Variants in RTEL1 observed in about 807,000 individuals in gnomAD.
The protein encoded by RTEL1 is regulator of telomere length.
A neutral mutation model predicts 162.2 loss-of-function variants in RTEL1; 86 were observed. The observed-to-expected ratio is 0.53, with a 90% confidence interval of 0.45 to 0.63. RTEL1 has a LOEUF of 0.63. Among genes scored for constraint, RTEL1 ranks in the 30% least tolerant of loss-of-function variants. RTEL1 has a pLI of 0.00. For synonymous variants in RTEL1, 958 were observed against 717.9 expected (o/e 1.33, Z -5.35); for missense variants, 1,941 against 1,750.2 (o/e 1.11, Z -1.95).
chr20:63,664,530 G>A (rs1463336759), intron 6 of RTEL1, among the ~76,000 whole-genome samples: 1 of 152,142 alleles, frequency 6.6e-6, no homozygotes, highest in Non-Finnish European at 1.5e-5. Flanking sequence ...TGGGTATTGG[G>A]GCCCCCATCT....
intron 31 of RTEL1, 55 bp from the exon 32 acceptor site, chr20:63,694,686 G>A: frequency 6.9e-7 from 1 of 1,448,754 alleles, no homozygotes. Context: ...CAGGGCGGTG[G>A]GACTCTCAGT....
chr20:63,659,212 G>T, intron 1 of RTEL1, 21 bp from the exon 2 acceptor site: 1 of 604,900 alleles, frequency 1.7e-6, no homozygotes, highest in Non-Finnish European at 3.0e-6. Flanking sequence ...TCTACAAACA[G>T]AGTCTTACTG....
chr20:63,694,385 G>A lies in RTEL1; in HGVS notation c.3006G>A (p.Pro1002=), dbSNP rs201351158. 9.5e-5 allele frequency: 149 copies of A among 1,575,202 alleles called. No individual in the cohort carries two copies. Among genetic ancestry groups the A allele is most frequent in the South Asian group, 1.9e-4 (17 of 90,532 alleles). ...PVLDPTGRTA[P]DPKLTVSTAA... is the part of the protein sequence containing the mutation. ...TCTCTTCATCAGGAAGAACGGCGCCGGATCCCAAGCTGACCGTGTCCACGG... is the reference window on the plus strand; with the variant it reads ...TCTCTTCATCAGGAAGAACGGCGCCAGATCCCAAGCTGACCGTGTCCACGG... The change falls in exon 31 of 35, where the codon CCG becomes CCA. Residue 1002 remains proline (P), a synonymous_variant. Coordinates refer to ENST00000360203, the MANE Select transcript of RTEL1 (RefSeq NM_001283009.2).
chr20:63,691,872 C>T (rs1231935111), intron 28 of RTEL1, 35 bp downstream of exon 28: 1 of 1,561,476 alleles, frequency 6.4e-7, no homozygotes, highest in Non-Finnish European at 8.8e-7. Flanking sequence ...TGCCGACCAC[C>T]ATAGACACGC....
intron 24 of RTEL1, 108 bp from the exon 25 acceptor site, chr20:63,689,979 A>C: frequency 6.4e-7 from 1 of 1,553,994 alleles, no homozygotes; most frequent in Non-Finnish European, 8.7e-7. Context: ...CTCTCCGGCT[A>C]CTCGGGGTCA....
Position 63,692,567 on chromosome 20 carries a change from T to G in RTEL1, c.2653-238T>G, listed in dbSNP as rs1050354266. 4 of 579,106 alleles carry G rather than the reference T, an allele frequency of 6.9e-6. No individual in the cohort carries two copies. In the African/African-American group the frequency reaches 7.5e-5, roughly 11 times the overall value. 35.9% of individuals were successfully genotyped at this position (579,106 alleles called of 1,614,324 possible). Reference sequence around the variant, plus strand: ...CAGAGCCAATCTACCCTTTGCCCATTCACTGCTCTCAGTTCCCTGCCAGCC... The same window carrying G: ...CAGAGCCAATCTACCCTTTGCCCATGCACTGCTCTCAGTTCCCTGCCAGCC... On this transcript the variant is annotated intron_variant, in intron 28 of 34. Coordinates refer to ENST00000360203, the MANE Select transcript of RTEL1 (RefSeq NM_001283009.2).
rs939961329 is a variant in RTEL1 at position 63,659,165 on chromosome 20, A to G, written c.-170-68A>G. 21 of 533,540 alleles carry G rather than the reference A, an allele frequency of 3.9e-5. No homozygotes were observed. In the African/African-American group the frequency reaches 4.0e-4, roughly 10 times the overall value. 33.1% of individuals were successfully genotyped at this position (533,540 alleles called of 1,614,324 possible). ...CCTCTCCGCAGGAGGGACTGATGGA[A>G]ACGCCTGGGAAAGTAGCCCGGTACC... On this transcript the variant is annotated intron_variant, in intron 1 of 34. Transcript: ENST00000360203.
intron 13 of RTEL1, among the ~76,000 whole-genome samples, 166 bp from the exon 14 acceptor site, chr20:63,680,498 C>A (rs1312890646): frequency 6.6e-6 from 1 of 152,222 alleles, no homozygotes; most frequent in Admixed American, 6.5e-5. Flanking sequence ...GAAGAGCAGG[C>A]GAACTGCCCG....
intron 16 of RTEL1, chr20:63,687,305 G>A (rs563520041): frequency 9.9e-5 from 27 of 273,692 alleles, no homozygotes; most frequent in Non-Finnish European, 1.7e-4. Context: ...TGCTCTTGGC[G>A]GGGTGGGCTT....
intron 4 of RTEL1, chr20:63,662,278 G>C (rs1407196434): frequency 3.0e-6 from 2 of 664,880 alleles, no homozygotes; most frequent in African/African-American, 3.6e-5. Flanking sequence ...CCTGCTGCTT[G>C]TCAGAGCCCA....
At chr20:63,681,478 A>C in intron 14 of RTEL1, 1 of 985,034 alleles carries the variant, frequency 1.0e-6, no homozygotes, top group Non-Finnish European at 1.2e-6. Flanking sequence ...TGGCCACACG[A>C]GATCATGGCA....
chr20:63,664,860 A>T (rs947905097), intron 6 of RTEL1, among the ~76,000 whole-genome samples: 1 of 152,156 alleles, frequency 6.6e-6, no homozygotes, highest in Non-Finnish European at 1.5e-5. Flanking sequence ...GGGGACAGCA[A>T]GCTTGGGGTC....
At position 63,678,556 on chromosome 20, in the gene RTEL1, G is replaced by GC. The variant is rs1491176440; in HGVS notation, c.1037+216dup. Among the ~76,000 whole-genome samples the GC allele has an allele frequency of 4.2e-5, 5 of 117,722 alleles. No individual in the cohort carries two copies. The East Asian group carries it at 7.6e-4, about 18-fold the overall frequency. The allele number at this position is 117,722 out of a possible 152,430, so 77.2% of individuals were successfully genotyped here. On this transcript the variant is annotated intron_variant, in intron 12 of 34. Coordinates refer to ENST00000360203, the MANE Select transcript of RTEL1 (RefSeq NM_001283009.2). ...ACACACTCCCACGGGACAGCACACA[G>GC]CCCCCCACGGAACGGCACACACACC... is the stretch of plus-strand genomic sequence containing the variant.
chr20:63,682,367 A>T lies in RTEL1; in HGVS notation c.1191+1648A>T, dbSNP rs557679209. The T allele has an allele frequency of 3.1e-6, 3 of 982,776 alleles. No individual in the cohort carries two copies. The African/African-American group carries it at 5.4e-5, about 18-fold the overall frequency. The allele number at this position is 982,776 out of a possible 1,614,324, so 60.9% of individuals were successfully genotyped here. A position where few individuals can be genotyped will look rare whatever the true frequency, so the allele number is the denominator to read the frequency against. On this transcript the variant is annotated intron_variant, in intron 14 of 34. Transcript: ENST00000360203. Reference sequence around the variant, plus strand: ...TCCCAGGCCCCCAGCTATGGAGAAGACTCCACACTCTGGAACCGGATCCTG... The same window carrying T: ...TCCCAGGCCCCCAGCTATGGAGAAGTCTCCACACTCTGGAACCGGATCCTG...
At chr20:63,672,667 T>G in intron 9 of RTEL1, 46 bp downstream of exon 9, 2 of 1,490,250 alleles carry the variant, frequency 1.3e-6, no homozygotes, top group South Asian at 2.4e-5. Flanking sequence ...GCTTCTGGCC[T>G]TTTTGTCAAG....
At chr20:63,687,270 G>A (rs1601161268) in intron 16 of RTEL1, 3 of 222,752 alleles carry the variant, frequency 1.3e-5, no homozygotes, top group South Asian at 1.2e-4. Flanking sequence ...GTGGAATGTC[G>A]GGATGCCGGC....
intron 30 of RTEL1, among the ~76,000 whole-genome samples, chr20:63,694,071 T>C (rs2090899784): frequency 6.6e-6 from 1 of 152,052 alleles, no homozygotes; most frequent in Non-Finnish European, 1.5e-5. Context: ...CCTAGCCTGT[T>C]GGGACGACCC....
Position 63,690,524 on chromosome 20 carries a change from G to A in RTEL1, c.2413+83G>A, listed in dbSNP as rs1175799216. ...GCGGGCAGCACCAGGCGCCCAGGGC[G>A]GAGGCGACTCACCTGGCTTTGTGCG... On this transcript the variant is annotated intron_variant, in intron 26 of 34. Coordinates refer to ENST00000360203, the MANE Select transcript of RTEL1 (RefSeq NM_001283009.2). 84 of 1,425,116 alleles carry A rather than the reference G, an allele frequency of 5.9e-5. No individual in the cohort carries two copies. The East Asian group carries it at 1.8e-3, about 30-fold the overall frequency. The allele number at this position is 1,425,116 out of a possible 1,614,324, so 88.3% of individuals were successfully genotyped here. A position where few individuals can be genotyped will look rare whatever the true frequency, so the allele number is the denominator to read the frequency against.
rs1568720113 is a variant in RTEL1, at chr20:63,693,475, C to CCAGCAG, written c.2992+194_2992+195insGCAGCA. On this transcript the variant is annotated intron_variant, in intron 30 of 34. Coordinates refer to ENST00000360203, the MANE Select transcript of RTEL1 (RefSeq NM_001283009.2). ...ACCACCTCCACCTCCACCTCCACCT[C>CCAGCAG]CACCTCCACCACCACCTCCACCTCC... Among the ~76,000 whole-genome samples, 9 of 70,272 alleles carry CCAGCAG rather than the reference C, an allele frequency of 1.3e-4. 1 individual carries two copies. Among genetic ancestry groups the CCAGCAG allele is most frequent in the African/African-American group, 5.0e-4 (9 of 18,174 alleles). The allele number at this position is 70,272 out of a possible 152,430, so 46.1% of individuals were successfully genotyped here.
Sources: allele counts gnomAD v4.1 joint callset (sites outside exome capture counted in the v4.1 genomes callset), GRCh38; gene constraint gnomAD v4.1.1; transcripts MANE v1.5; gene names NCBI Gene and HGNC (gene_info 2026-07-23, HGNC 2026-07-21).